Variants in DNER observed in about 807,000 individuals in gnomAD.
DNER encodes the protein delta/notch like EGF repeat containing.
A neutral mutation model predicts 78.2 loss-of-function variants in DNER; 33 were observed. The observed-to-expected ratio is 0.42, with a 90% confidence interval of 0.32 to 0.56. The LOEUF is 0.56. Ranked by LOEUF, DNER falls within the 20% of genes least tolerant of loss-of-function variation. The pLI is 0.11. For synonymous variants in DNER, 417 were observed against 384.8 expected (o/e 1.08, Z -0.98); for missense variants, 918 against 975.3 (o/e 0.94, Z 0.78).
At chr2:229,608,932 T>C (rs910348880) in intron 1 of DNER, among the ~76,000 whole-genome samples, 7 of 152,212 alleles carry the variant, frequency 4.6e-5, no homozygotes, top group Non-Finnish European at 8.8e-5. Flanking sequence ...TAATTAAAAA[T>C]GTGATCTTGG....
At chr2:229,385,366 T>C (rs1025740969) in intron 11 of DNER, among the ~76,000 whole-genome samples, 2 of 152,154 alleles carry the variant, frequency 1.3e-5, no homozygotes, top group Non-Finnish European at 2.9e-5. Context: ...GCCAGTATCA[T>C]ACTGAATGGG....
intron 1 of DNER, among the ~76,000 whole-genome samples, chr2:229,640,482 GTGGTATGAGGAGT>G (rs779623876): frequency 0.036 from 5,415 of 152,298 alleles, 152 homozygotes; most frequent in Middle Eastern, 0.068. Flanking sequence ...CTCTACTCAT[GTGGTATGAGGAGT>G]TTGCCTATGT....
At chr2:229,379,746 G>T (rs1250512967) in intron 11 of DNER, among the ~76,000 whole-genome samples, 1 of 152,158 alleles carries the variant, frequency 6.6e-6, no homozygotes, top group Non-Finnish European at 1.5e-5. Flanking sequence ...AGCAAATGCA[G>T]TCATAACGAG....
chr2:229,412,973 G>A (rs1188249267), intron 9 of DNER, among the ~76,000 whole-genome samples: 1 of 152,118 alleles, frequency 6.6e-6, no homozygotes, highest in Non-Finnish European at 1.5e-5. Flanking sequence ...AGGGAAGAAA[G>A]GGACTTTAAG....
At chr2:229,710,882 T>A (rs1052808758) in intron 1 of DNER, among the ~76,000 whole-genome samples, 10 of 152,060 alleles carry the variant, frequency 6.6e-5, no homozygotes, top group Middle Eastern at 3.4e-3. Flanking sequence ...ATTAATTTAA[T>A]CCTTCCCAGA....
At chr2:229,386,718 G>A (rs2106334780) in intron 11 of DNER, among the ~76,000 whole-genome samples, 1 of 151,494 alleles carries the variant, frequency 6.6e-6, no homozygotes, top group South Asian at 2.1e-4. Context: ...ACAAAAATAT[G>A]AAAAAAAAGC....
intron 7 of DNER, among the ~76,000 whole-genome samples, chr2:229,461,859 C>G (rs11885654): frequency 0.38 from 57,969 of 151,784 alleles, 12,904 homozygotes; most frequent in African/African-American, 0.62. Flanking sequence ...ATAAGGAAAT[C>G]TTGGAAAGAA....
chr2:229,409,784 G>T (rs917931549), intron 9 of DNER, among the ~76,000 whole-genome samples: 1 of 152,102 alleles, frequency 6.6e-6, no homozygotes, highest in South Asian at 2.1e-4. Context: ...ACCTGATTAC[G>T]GACAAGCAAG....
rs150166780 is a variant in DNER at position 229,615,138 on chromosome 2, G to A, written c.277-23250C>T. Among the ~76,000 whole-genome samples the A allele has an allele frequency of 2.6e-3, 401 of 152,284 alleles. 3 individuals carry two copies. The highest frequency in any genetic ancestry group is 9.4e-3 in the African/African-American group (389 of 41,562). On this transcript the variant is annotated intron_variant, in intron 1 of 12. Coordinates refer to ENST00000341772, the MANE Select transcript of DNER (RefSeq NM_139072.4). ...TAGAATTGTTCTGTAGAGGCCGGGC[G>A]TGGTGGCTCATACCTGTAATCCCAG...
chr2:229,522,425 G>A (rs780839941), intron 5 of DNER, among the ~76,000 whole-genome samples: 5 of 152,102 alleles, frequency 3.3e-5, no homozygotes, highest in Non-Finnish European at 7.4e-5. Flanking sequence ...TTTATTTGCC[G>A]CAACGTTCTA....
At chr2:229,655,848 G>A (rs1559197635) in intron 1 of DNER, among the ~76,000 whole-genome samples, 1 of 152,046 alleles carries the variant, frequency 6.6e-6, no homozygotes, top group Non-Finnish European at 1.5e-5. Flanking sequence ...GAAGGGGTGG[G>A]TGGGAAACAG....
intron 7 of DNER, among the ~76,000 whole-genome samples, chr2:229,470,711 G>C (rs1370506086): frequency 6.6e-6 from 1 of 152,084 alleles, no homozygotes; most frequent in African/African-American, 2.4e-5. Context: ...TTAGCCGGGT[G>C]TGGTGATGGT....
At chr2:229,571,811 C>T (rs116717793) in intron 4 of DNER, among the ~76,000 whole-genome samples, 2,865 of 152,160 alleles carry the variant, frequency 0.019, 101 homozygotes, top group African/African-American at 0.065. Context: ...CACACAAGCA[C>T]GTCTAGAGTT....
At chr2:229,466,535 G>T (rs1272793022) in intron 7 of DNER, among the ~76,000 whole-genome samples, 3 of 149,256 alleles carry the variant, frequency 2.0e-5, no homozygotes, top group African/African-American at 7.3e-5. Context: ...CCCCAGAGGA[G>T]CCCTGTCACA....
chr2:229,651,559 C>CCCA (rs931403884), intron 1 of DNER, among the ~76,000 whole-genome samples: 24 of 152,198 alleles, frequency 1.6e-4, no homozygotes, highest in Admixed American at 7.2e-4. Flanking sequence ...TGCCGAAGGA[C>CCCA]CCAGCCAGGT....
At chr2:229,391,944 C>T (rs1452805914) in intron 10 of DNER, among the ~76,000 whole-genome samples, 1 of 152,160 alleles carries the variant, frequency 6.6e-6, no homozygotes, top group East Asian at 1.9e-4. Context: ...ACTGATTCTG[C>T]TTGCTTTCCT....
At chr2:229,454,910 T>C (rs184119431) in intron 7 of DNER, among the ~76,000 whole-genome samples, 5 of 151,182 alleles carry the variant, frequency 3.3e-5, no homozygotes, top group Admixed American at 3.3e-4. Flanking sequence ...GCTCTTCTGT[T>C]ACAAAGAATG....
At chr2:229,451,993 A>G (rs1694467248) in intron 7 of DNER, among the ~76,000 whole-genome samples, 2 of 152,204 alleles carry the variant, frequency 1.3e-5, no homozygotes, top group Non-Finnish European at 2.9e-5. Context: ...CTTTGGAGAG[A>G]GCCAATATTT....
intron 6 of DNER, among the ~76,000 whole-genome samples, chr2:229,506,096 G>C (rs1365128351): frequency 6.6e-6 from 1 of 152,178 alleles, no homozygotes; most frequent in African/African-American, 2.4e-5. Context: ...TTTTGGGGTT[G>C]TATTAGTCTG....
Sources: gnomAD v4.1 joint callset for allele counts (sites outside exome capture counted in the v4.1 genomes callset) on GRCh38, gnomAD v4.1.1 for gene constraint, MANE v1.5 for transcripts, NCBI Gene and HGNC (gene_info 2026-07-23, HGNC 2026-07-21) for gene names.